Variants in NFIA observed in about 807,000 individuals in gnomAD.
NFIA encodes the protein nuclear factor 1 A-type.
A neutral mutation model predicts 62.8 loss-of-function variants in NFIA; 8 were observed. The observed-to-expected ratio is 0.13, with a 90% CI of 0.07 to 0.23. The LOEUF is 0.23. NFIA is among the 10% of genes least tolerant of loss of function. The probability of loss-of-function intolerance (pLI) is 1.00; values close to 1 mark genes in which losing one functional copy is unlikely to be tolerated. For missense variants in NFIA, 410 were observed against 642.1 expected (o/e 0.64, Z 3.91); for synonymous variants, 235 against 238.1 (o/e 0.99, Z 0.12).
intron 2 of NFIA, among the ~76,000 whole-genome samples, chr1:61,169,267 G>C (rs1025221515): frequency 6.6e-6 from 1 of 152,210 alleles, no homozygotes; most frequent in Non-Finnish European, 1.5e-5. Context: ...GCACAGAAGA[G>C]AGGATTCTAA....
At position 61,458,085 on chromosome 1, in the gene NFIA, T is replaced by G. The variant is rs1668383344; in HGVS notation, c.*2765T>G. On this transcript the variant is annotated 3_prime_UTR_variant, in exon 11 of 11. Coordinates refer to ENST00000403491, the MANE Select transcript of NFIA (RefSeq NM_001134673.4). Reference sequence around the variant, plus strand: ...AGTCGTTTGGCGCTGTTGTATGGTGTGATTGTCAGTGTATGGTGTCACTTC... The same window carrying G: ...AGTCGTTTGGCGCTGTTGTATGGTGGGATTGTCAGTGTATGGTGTCACTTC... 6.6e-6 allele frequency: 1 copy of G among 152,030 alleles called. No homozygotes were observed. The highest frequency in any genetic ancestry group is 1.5e-5 in the Non-Finnish European group (1 of 68,012). The allele number at this position is 152,030 out of a possible 1,614,324, so 9.4% of individuals were successfully genotyped here. A position where few individuals can be genotyped will look rare whatever the true frequency, so the allele number is the denominator to read the frequency against.
chr1:61,202,914 C>T lies in NFIA; in HGVS notation c.560-74606C>T, dbSNP rs554457001. 9.2e-5 allele frequency among the ~76,000 whole-genome samples: 14 copies of T among 152,304 alleles called. No individual in the cohort carries two copies. The East Asian group carries it at 9.6e-4, about 10-fold the overall frequency. ...TATTGTTAAAGCCTCATGTAAATCA[C>T]GTCATTCTGAAAATCATGGAAACTG... On this transcript the variant is annotated intron_variant, in intron 2 of 10. Coordinates refer to ENST00000403491, the MANE Select transcript of NFIA (RefSeq NM_001134673.4).
Position 61,462,179 on chromosome 1 carries a change from C to T in NFIA, c.*6859C>T, listed in dbSNP as rs1270966886. On this transcript the variant is annotated 3_prime_UTR_variant, in exon 11 of 11. Transcript: ENST00000403491. ...CCCTGGTCTCAGACCATCGTCTCTG[C>T]ACTGCGAAGGCATTTGGTAGCCTCG... 1 of 151,912 alleles carries T rather than the reference C, an allele frequency of 6.6e-6. No individual in the cohort carries two copies. Among genetic ancestry groups the T allele is most frequent in the African/African-American group, 2.4e-5 (1 of 41,326 alleles). The allele number at this position is 151,912 out of a possible 1,614,324, so 9.4% of individuals were successfully genotyped here. A position where few individuals can be genotyped will look rare whatever the true frequency, so the allele number is the denominator to read the frequency against.
chr1:61,363,751 T>A (rs879437619), intron 6 of NFIA, among the ~76,000 whole-genome samples: 1 of 152,124 alleles, frequency 6.6e-6, no homozygotes, highest in Non-Finnish European at 1.5e-5. Flanking sequence ...ACACAATATA[T>A]AAGCAAAGAG....
intron 9 of NFIA, among the ~76,000 whole-genome samples, chr1:61,410,638 C>A (rs992789925): frequency 6.6e-6 from 1 of 152,174 alleles, no homozygotes; most frequent in Non-Finnish European, 1.5e-5. Flanking sequence ...CTTCGTGGCT[C>A]ACACCTGTAG....
chr1:61,327,061 TCTA>T (rs1404152773), intron 3 of NFIA, among the ~76,000 whole-genome samples: 1 of 148,486 alleles, frequency 6.7e-6, no homozygotes, highest in Non-Finnish European at 1.5e-5. Context: ...TATGTATATA[TCTA>T]CTATTATGAT....
At position 61,202,596 on chromosome 1, in the gene NFIA, GACTA is replaced by G. The variant is rs1192358390; in HGVS notation, c.560-74920_560-74917del. On this transcript the variant is annotated intron_variant, in intron 2 of 10. Transcript: ENST00000403491. ...TAATATAAGTATTTTTGTCATCCAT[GACTA>G]ACTTTTAAAATGGCAAAATTATAAA... Among the ~76,000 whole-genome samples, 4 of 152,270 alleles carry G rather than the reference GACTA, an allele frequency of 2.6e-5. No homozygotes were observed. The South Asian group carries it at 6.2e-4, about 24-fold the overall frequency.
Position 61,462,021 on chromosome 1 carries a change from T to TG in NFIA, c.*6704dup, listed in dbSNP as rs1170708669. The TG allele has an allele frequency of 1.4e-5, 2 of 138,596 alleles. No homozygotes were observed. Among genetic ancestry groups the TG allele is most frequent in the African/African-American group, 5.8e-5 (2 of 34,552 alleles). The allele number at this position is 138,596 out of a possible 1,614,324, so 8.6% of individuals were successfully genotyped here. On this transcript the variant is annotated 3_prime_UTR_variant, in exon 11 of 11. Coordinates refer to ENST00000403491, the MANE Select transcript of NFIA (RefSeq NM_001134673.4). Reference sequence around the variant, plus strand: ...ATAATAGTCTGTAAGTTAGCCTTTTTGGGTTTTTTTTTTTTTTTTTTGGCT... The same window carrying TG: ...ATAATAGTCTGTAAGTTAGCCTTTTTGGGGTTTTTTTTTTTTTTTTTTGGCT...
chr1:61,159,388 C>G (rs1649025314), intron 2 of NFIA, among the ~76,000 whole-genome samples: 1 of 152,132 alleles, frequency 6.6e-6, no homozygotes, highest in Admixed American at 6.5e-5. Flanking sequence ...CTTCAATGTG[C>G]ATACGAATCA....
chr1:61,243,857 A>G (rs1231730285), intron 2 of NFIA, among the ~76,000 whole-genome samples: 1 of 152,148 alleles, frequency 6.6e-6, no homozygotes, highest in African/African-American at 2.4e-5. Flanking sequence ...GAGAAACTTT[A>G]TTCATTTTGC....
chr1:61,178,543 C>T (rs1300355498), intron 2 of NFIA, among the ~76,000 whole-genome samples: 3 of 152,132 alleles, frequency 2.0e-5, no homozygotes, highest in Non-Finnish European at 2.9e-5. Context: ...ATATGTGTAA[C>T]CAGATAGGTG....
chr1:61,390,732 A>G (rs1207504017), intron 7 of NFIA, among the ~76,000 whole-genome samples: 1 of 152,146 alleles, frequency 6.6e-6, no homozygotes, highest in Admixed American at 6.5e-5. Context: ...GGGGAAGGAG[A>G]GGTAAAATAG....
At chr1:61,092,498 A>G (rs963512027) in intron 2 of NFIA, among the ~76,000 whole-genome samples, 3 of 152,238 alleles carry the variant, frequency 2.0e-5, no homozygotes, top group African/African-American at 4.8e-5. Flanking sequence ...GATCCTTTCA[A>G]TCACTGAAGG....
chr1:61,162,638 G>A (rs190120654), intron 2 of NFIA, among the ~76,000 whole-genome samples: 290 of 152,178 alleles, frequency 1.9e-3, no homozygotes, highest in African/African-American at 6.6e-3. Context: ...GTTCCTTTTA[G>A]CCCACTATCT....
At chr1:61,081,854 G>C, upstream of NFIA, 1 of 1,534,720 alleles carries the variant, frequency 6.5e-7, no homozygotes, top group South Asian at 1.2e-5. Flanking sequence ...AGCTTCGCTG[G>C]AGAGATTACA....
At chr1:61,244,906 G>A (rs754698359) in intron 2 of NFIA, among the ~76,000 whole-genome samples, 3 of 152,138 alleles carry the variant, frequency 2.0e-5, no homozygotes, top group Non-Finnish European at 2.9e-5. Flanking sequence ...CAACCATTAA[G>A]TAGACTGAGC....
At chr1:61,256,986 T>C (rs895628016) in intron 2 of NFIA, among the ~76,000 whole-genome samples, 16 of 152,196 alleles carry the variant, frequency 1.1e-4, no homozygotes, top group Non-Finnish European at 5.9e-5. Context: ...TGCATTTAAG[T>C]GTTATAATTA....
intron 2 of NFIA, among the ~76,000 whole-genome samples, chr1:61,194,764 A>G (rs1362259818): frequency 6.6e-6 from 1 of 152,130 alleles, no homozygotes; most frequent in East Asian, 1.9e-4. Context: ...CCACTATCCC[A>G]TGCTGATCAC....
At chr1:61,272,865 G>A (rs1362328743) in intron 2 of NFIA, among the ~76,000 whole-genome samples, 1 of 152,126 alleles carries the variant, frequency 6.6e-6, no homozygotes, top group Non-Finnish European at 1.5e-5. Flanking sequence ...ATATTTTTGG[G>A]TTTGGATGCC....
Sources: allele counts gnomAD v4.1 joint callset (sites outside exome capture counted in the v4.1 genomes callset), GRCh38; gene constraint gnomAD v4.1.1; transcripts MANE v1.5; gene names NCBI Gene and HGNC (gene_info 2026-07-23, HGNC 2026-07-21).